Variants in C1orf21 observed in about 807,000 individuals in gnomAD.
C1orf21 encodes the protein chromosome 1 open reading frame 21.
C1orf21 carries 3 observed loss-of-function variants against 18.7 expected under a neutral mutation model. The ratio of observed to expected loss-of-function variants is 0.16; its 90% CI spans 0.07 to 0.42. C1orf21 has a LOEUF of 0.42. Among genes scored for constraint, C1orf21 ranks in the 10% least tolerant of loss-of-function variants. The pLI, the probability that C1orf21 is intolerant of heterozygous loss-of-function variation, is 0.99. For missense variants in C1orf21, 104 were observed against 143.6 expected (o/e 0.72, Z 1.41); for synonymous variants, 41 against 46.4 (o/e 0.88, Z 0.47).
intron 2 of C1orf21, among the ~76,000 whole-genome samples, chr1:184,505,225 G>T (rs1043736864): frequency 2.7e-5 from 4 of 148,248 alleles, no homozygotes; most frequent in Non-Finnish European, 5.9e-5. Context: ...TCTTTCAGAA[G>T]GTTCTGCTTA....
chr1:184,527,538 C>T (rs1306793390), intron 3 of C1orf21, among the ~76,000 whole-genome samples: 1 of 152,022 alleles, frequency 6.6e-6, no homozygotes, highest in East Asian at 1.9e-4. Context: ...GAGCAGAGGC[C>T]AGGGACTTAA....
intron 4 of C1orf21, among the ~76,000 whole-genome samples, chr1:184,594,901 C>G (rs959924642): frequency 2.0e-5 from 3 of 152,168 alleles, no homozygotes; most frequent in Admixed American, 2.0e-4. Flanking sequence ...ACACCAAAAG[C>G]GAAAGCCCCA....
intron 3 of C1orf21, among the ~76,000 whole-genome samples, chr1:184,562,104 C>G (rs1413286861): frequency 6.6e-6 from 1 of 152,064 alleles, no homozygotes. Context: ...TAAGCTATTT[C>G]TAAGAACAAA....
At chr1:184,436,812 T>C (rs968690082) in intron 1 of C1orf21, among the ~76,000 whole-genome samples, 2 of 152,152 alleles carry the variant, frequency 1.3e-5, no homozygotes, top group African/African-American at 4.8e-5. Flanking sequence ...CCTGGTCTCA[T>C]GGAACATCTG....
intron 3 of C1orf21, among the ~76,000 whole-genome samples, chr1:184,524,451 T>C (rs1160271290): frequency 1.3e-5 from 2 of 152,112 alleles, no homozygotes; most frequent in South Asian, 2.1e-4. Flanking sequence ...TATGTTGCAT[T>C]TGAATTTGAG....
chr1:184,549,883 C>T (rs1161888299), intron 3 of C1orf21, among the ~76,000 whole-genome samples: 1 of 152,078 alleles, frequency 6.6e-6, no homozygotes, highest in African/African-American at 2.4e-5. Context: ...TCCAATCATA[C>T]ACAGACTGTC....
At chr1:184,418,864 C>G (rs1009840151) in intron 1 of C1orf21, among the ~76,000 whole-genome samples, 1 of 152,172 alleles carries the variant, frequency 6.6e-6, no homozygotes, top group Non-Finnish European at 1.5e-5. Flanking sequence ...GTTTCACATT[C>G]TACTACTGTT....
At chr1:184,516,440 T>C (rs1031863316) in intron 3 of C1orf21, among the ~76,000 whole-genome samples, 3 of 152,232 alleles carry the variant, frequency 2.0e-5, no homozygotes, top group African/African-American at 7.2e-5. Context: ...TTCCATTACA[T>C]GTCAGGACAT....
intron 4 of C1orf21, among the ~76,000 whole-genome samples, chr1:184,596,556 A>G (rs989119243): frequency 2.6e-5 from 4 of 152,136 alleles, no homozygotes; most frequent in African/African-American, 7.2e-5. Flanking sequence ...ACGGTTATCT[A>G]TCCAGTTACC....
intron 1 of C1orf21, among the ~76,000 whole-genome samples, chr1:184,392,022 A>C (rs1433414686): frequency 6.6e-6 from 1 of 152,066 alleles, no homozygotes; most frequent in Non-Finnish European, 1.5e-5. Context: ...AATTACAAGA[A>C]TTTCTAGTTA....
chr1:184,480,066 G>A (rs889615921), intron 2 of C1orf21, among the ~76,000 whole-genome samples: 2 of 152,138 alleles, frequency 1.3e-5, no homozygotes, highest in Non-Finnish European at 2.9e-5. Flanking sequence ...AGTGTTACGA[G>A]GTAGAATAAG....
At chr1:184,576,361 G>A (rs1041736973) in intron 3 of C1orf21, among the ~76,000 whole-genome samples, 2 of 152,196 alleles carry the variant, frequency 1.3e-5, no homozygotes, top group Non-Finnish European at 2.9e-5. Flanking sequence ...CTGACCTCAG[G>A]TGATCTGCCC....
At chr1:184,567,647 A>AAGC in intron 3 of C1orf21, 1 of 409,014 alleles carries the variant, frequency 2.4e-6, no homozygotes, top group Non-Finnish European at 4.9e-6. Context: ...GCAGCCTACA[A>AAGC]TGGCATCACC....
chr1:184,553,239 G>A (rs139500203), intron 3 of C1orf21, among the ~76,000 whole-genome samples: 3 of 152,104 alleles, frequency 2.0e-5, no homozygotes, highest in East Asian at 1.9e-4. Flanking sequence ...TAAGTCCAAG[G>A]GGGGGAGAAA....
chr1:184,479,494 G>T (rs1657620949), intron 2 of C1orf21, among the ~76,000 whole-genome samples: 1 of 152,074 alleles, frequency 6.6e-6, no homozygotes. Context: ...TGAACACAGA[G>T]AGACGGACTT....
intron 5 of C1orf21, among the ~76,000 whole-genome samples, chr1:184,607,647 G>A (rs1271377357): frequency 6.6e-6 from 1 of 150,584 alleles, no homozygotes; most frequent in Non-Finnish European, 1.5e-5. Flanking sequence ...ATATATGTGT[G>A]TGTATATATA....
intron 1 of C1orf21, among the ~76,000 whole-genome samples, chr1:184,411,781 T>C (rs1656359577): frequency 6.6e-6 from 1 of 152,236 alleles, no homozygotes; most frequent in South Asian, 2.1e-4. Flanking sequence ...TGTCATAAAC[T>C]TGAATTTGTC....
At chr1:184,581,552 C>G (rs910290451) in intron 3 of C1orf21, among the ~76,000 whole-genome samples, 4 of 152,136 alleles carry the variant, frequency 2.6e-5, no homozygotes, top group South Asian at 2.1e-4. Context: ...CGTTGATTTT[C>G]TGTGTGTGTA....
chr1:184,425,788 A>G (rs1656628062), intron 1 of C1orf21, among the ~76,000 whole-genome samples: 1 of 152,154 alleles, frequency 6.6e-6, no homozygotes, highest in Non-Finnish European at 1.5e-5. Flanking sequence ...AATTTTTCTT[A>G]CCAGTAGACA....
Sources: allele counts gnomAD v4.1 joint callset (sites outside exome capture counted in the v4.1 genomes callset), GRCh38; gene constraint gnomAD v4.1.1; transcripts MANE v1.5; gene names NCBI Gene and HGNC (gene_info 2026-07-23, HGNC 2026-07-21).